CTNNA2: variants seen among roughly 807,000 people sequenced by gnomAD.
CTNNA2 encodes catenin alpha-2.
CTNNA2 carries 42 observed loss-of-function variants against 101.0 expected under a neutral mutation model. The observed-to-expected ratio is 0.42, with a 90% confidence interval of 0.32 to 0.54. The LOEUF (loss-of-function observed/expected upper bound fraction) is 0.54. Among genes scored for constraint, CTNNA2 ranks in the 20% least tolerant of loss-of-function variants. CTNNA2 has a pLI of 0.14. For missense variants in CTNNA2, 871 were observed against 1,223.1 expected, an observed-to-expected ratio of 0.71 and a Z score of 4.29; for synonymous variants, 450 against 456.4, an observed-to-expected ratio of 0.99 and a Z score of 0.18.
chr2:79,399,944 T>A (rs550028628), intron 4 of CTNNA2, among the ~76,000 whole-genome samples: 1 of 152,222 alleles, frequency 6.6e-6, no homozygotes, highest in African/African-American at 2.4e-5. Context: ...TTTGCCAAAG[T>A]TAAGGATGTC....
intron 4 of CTNNA2, among the ~76,000 whole-genome samples, chr2:79,482,203 A>G (rs1671116383): frequency 6.6e-6 from 1 of 152,204 alleles, no homozygotes; most frequent in Admixed American, 6.5e-5. Context: ...GGTCATCAGG[A>G]ATTTTAAAGC....
chr2:79,817,316 C>CTTTTTTTTTTTTTTT (rs550422225), intron 3 of CTNNA2, among the ~76,000 whole-genome samples: 1 of 73,846 alleles, frequency 1.4e-5, no homozygotes, highest in Non-Finnish European at 2.6e-5. Flanking sequence ...TTCTCTCTCA[C>CTTTTTTTTTTTTTTT]TTTTTTTTTT....
At chr2:79,662,499 A>G (rs772453811) in intron 2 of CTNNA2, among the ~76,000 whole-genome samples, 2 of 152,138 alleles carry the variant, frequency 1.3e-5, no homozygotes, top group Non-Finnish European at 2.9e-5. Flanking sequence ...GCGGTTAGCT[A>G]ACAAAATTGC....
At chr2:80,418,400 C>G (rs1406216513) in intron 8 of CTNNA2, among the ~76,000 whole-genome samples, 2 of 152,274 alleles carry the variant, frequency 1.3e-5, no homozygotes, top group African/African-American at 4.8e-5. Context: ...ATTTAATACA[C>G]TTTGTCAAAT....
intron 7 of CTNNA2, among the ~76,000 whole-genome samples, chr2:80,357,922 A>G (rs1201266551): frequency 2.0e-5 from 3 of 152,152 alleles, no homozygotes; most frequent in Non-Finnish European, 4.4e-5. Flanking sequence ...CTCTTAGAAC[A>G]TGAGAGGGTA....
chr2:79,405,890 T>C (rs548675076), intron 4 of CTNNA2, among the ~76,000 whole-genome samples: 1 of 152,126 alleles, frequency 6.6e-6, no homozygotes, highest in East Asian at 1.9e-4. Context: ...AAAACTTACA[T>C]AAGCATTGTG....
intron 7 of CTNNA2, among the ~76,000 whole-genome samples, chr2:80,282,515 C>G (rs1674460060): frequency 1.3e-5 from 2 of 152,026 alleles, no homozygotes; most frequent in African/African-American, 4.8e-5. Flanking sequence ...ATACAATCAG[C>G]TCTCCTATAG....
chr2:80,038,519 G>A (rs1695815360), intron 7 of CTNNA2, among the ~76,000 whole-genome samples: 1 of 152,020 alleles, frequency 6.6e-6, no homozygotes, highest in Admixed American at 6.6e-5. Flanking sequence ...TCAGGGGTTT[G>A]AGACTAGCCT....
At chr2:80,348,388 T>C (rs1672973242) in intron 7 of CTNNA2, among the ~76,000 whole-genome samples, 1 of 152,196 alleles carries the variant, frequency 6.6e-6, no homozygotes, top group African/African-American at 2.4e-5. Flanking sequence ...CTAAAGAATG[T>C]CATTTAAAGG....
chr2:79,678,226 C>T (rs531721822), intron 2 of CTNNA2, among the ~76,000 whole-genome samples: 3 of 152,258 alleles, frequency 2.0e-5, no homozygotes, highest in Admixed American at 2.0e-4. Flanking sequence ...TTTCAAGTAT[C>T]ATCACATTTT....
At chr2:79,876,836 G>A (rs1166063296) in intron 6 of CTNNA2, among the ~76,000 whole-genome samples, 3 of 152,000 alleles carry the variant, frequency 2.0e-5, no homozygotes, top group Non-Finnish European at 4.4e-5. Context: ...TTTTTTTGTT[G>A]TTGTTGTTTT....
At chr2:80,001,013 C>T (rs2103959287) in intron 7 of CTNNA2, among the ~76,000 whole-genome samples, 1 of 152,272 alleles carries the variant, frequency 6.6e-6, no homozygotes, top group Non-Finnish European at 1.5e-5. Context: ...TGGAAGAGAC[C>T]TAAATGAGGA....
chr2:80,087,375 G>A (rs996621796), intron 7 of CTNNA2, among the ~76,000 whole-genome samples: 5 of 152,084 alleles, frequency 3.3e-5, no homozygotes, highest in Non-Finnish European at 5.9e-5. Context: ...TGCAATATAT[G>A]TCTGTTTCCA....
intron 2 of CTNNA2, among the ~76,000 whole-genome samples, chr2:79,307,446 G>A (rs1407064637): frequency 2.6e-5 from 4 of 151,894 alleles, no homozygotes; most frequent in Admixed American, 2.6e-4. Context: ...AACTTTTTTA[G>A]CTTCCACATA....
intron 3 of CTNNA2, among the ~76,000 whole-genome samples, chr2:79,368,296 C>T (rs1428203568): frequency 1.2e-4 from 19 of 152,178 alleles, no homozygotes; most frequent in Non-Finnish European, 1.5e-5. Flanking sequence ...GCATTTTTCT[C>T]CTATTCTTGT....
At chr2:79,900,404 T>A (rs1684995532) in intron 6 of CTNNA2, among the ~76,000 whole-genome samples, 2 of 152,202 alleles carry the variant, frequency 1.3e-5, no homozygotes, top group Admixed American at 6.5e-5. Flanking sequence ...CAAAATAACA[T>A]AATGAATAAA....
chr2:79,803,237 C>G (rs1676301190), intron 3 of CTNNA2, among the ~76,000 whole-genome samples: 1 of 152,140 alleles, frequency 6.6e-6, no homozygotes, highest in African/African-American at 2.4e-5. Context: ...AATGCTGAGA[C>G]CAGCTCAGTC....
chr2:79,638,613 C>G (rs1184086369), intron 1 of CTNNA2, among the ~76,000 whole-genome samples: 1 of 152,164 alleles, frequency 6.6e-6, no homozygotes, highest in African/African-American at 2.4e-5. Flanking sequence ...AAAGCAGTAC[C>G]TGTTTACTTT....
chr2:80,244,580 G>C (rs1321112761), intron 7 of CTNNA2, among the ~76,000 whole-genome samples: 1 of 152,212 alleles, frequency 6.6e-6, no homozygotes, highest in Non-Finnish European at 1.5e-5. Context: ...CAAGTCCACA[G>C]TATAAGGAAG....
Sources: gnomAD v4.1 joint callset for allele counts (sites outside exome capture counted in the v4.1 genomes callset) on GRCh38, gnomAD v4.1.1 for gene constraint, MANE v1.5 for transcripts, NCBI Gene and HGNC (gene_info 2026-07-23, HGNC 2026-07-21) for gene names.